The following PARD6G variants were observed in gnomAD, a reference collection of about 807,000 sequenced individuals.
The protein encoded by PARD6G is partitioning defective 6 homolog gamma.
A neutral mutation model predicts 10.7 loss-of-function variants in PARD6G; 7 were observed. The ratio of observed to expected loss-of-function variants is 0.66; its 90% confidence interval spans 0.37 to 1.23. PARD6G has a LOEUF of 1.23. PARD6G is among the 50% of genes most tolerant of loss of function. PARD6G has a pLI of 0.02. For synonymous variants in PARD6G, 287 were observed against 269.4 expected (o/e 1.07, Z -0.64); for missense variants, 548 against 571.8 (o/e 0.96, Z 0.42).
chr18:80,178,777 G>A (rs978790279), intron 2 of PARD6G, among the ~76,000 whole-genome samples: 1 of 152,172 alleles, frequency 6.6e-6, no homozygotes. Flanking sequence ...AATCTGGGCA[G>A]ATGGACACAT....
In PARD6G at chr18:80,247,311, A is replaced by C. The variant is rs752024229; in HGVS notation, c.38T>G (p.Phe13Cys). 6 of 1,585,028 alleles carry C rather than the reference A, an allele frequency of 3.8e-6. No homozygotes were observed. In the South Asian group the frequency reaches 6.8e-5, roughly 18 times the overall value. Residue 13 changes from phenylalanine (F) to cysteine (C), a missense_variant, in exon 1 of 3, where the codon TTC becomes TGC. By Grantham distance (205) the Phe-to-Cys change is radical. Coordinates refer to ENST00000353265, the MANE Select transcript of PARD6G (RefSeq NM_032510.4). This position sits in a 1 kb window ranked among gnomAD's most constrained non-coding sequence, Gnocchi z 4.2. The part of the protein sequence containing the change: ...RSFHKSQTLR[F>C]YDCSAVEVKS... ...GACTTCCACTGCGCTGCAATCGTAGAATCGCAAGGTCTGAGACTTGTGAAA... is the reference window on the plus strand; with the variant it reads ...GACTTCCACTGCGCTGCAATCGTAGCATCGCAAGGTCTGAGACTTGTGAAA...
chr18:80,219,499 T>C (rs370438680), intron 1 of PARD6G, among the ~76,000 whole-genome samples: 1 of 151,960 alleles, frequency 6.6e-6, no homozygotes, highest in Non-Finnish European at 1.5e-5. Flanking sequence ...CGTGAGCCAC[T>C]GCGCCCAGCC....
chr18:80,189,132 G>A lies in PARD6G; in HGVS notation c.295+13578C>T, dbSNP rs2052894607. On this transcript the variant is annotated intron_variant, in intron 2 of 2. Transcript: ENST00000353265. This position sits in a 1 kb window ranked among gnomAD's most constrained non-coding sequence, Gnocchi z 5.5. ...ACAACACTACAGCAGTTACCAGAGA[G>A]CACAACTGTAATTGAAACAACCAGA... 6.6e-6 allele frequency: 1 copy of A among 152,252 alleles called. No homozygotes were observed. Among genetic ancestry groups the A allele is most frequent in the African/African-American group, 2.4e-5 (1 of 41,448 alleles). 9.4% of individuals were successfully genotyped at this position (152,252 alleles called of 1,614,324 possible). A position where few individuals can be genotyped will look rare whatever the true frequency, so the allele number is the denominator to read the frequency against.
rs1165374567 is a variant in PARD6G at position 80,246,678 on chromosome 18, G to A, written c.72+599C>T. On this transcript the variant is annotated intron_variant, in intron 1 of 2. Coordinates refer to ENST00000353265, the MANE Select transcript of PARD6G (RefSeq NM_032510.4). The surrounding 1 kb of genome is among the most constrained non-coding windows in gnomAD (Gnocchi z 6.7). ...CCCGGGGACGCGCCCGGGGAGGCGT[G>A]GTCTGGGTCTGGGCCGGGGGAGAGC... 6.6e-6 allele frequency among the ~76,000 whole-genome samples: 1 copy of A among 151,628 alleles called. No individual in the cohort carries two copies. Among genetic ancestry groups the A allele is most frequent in the African/African-American group, 2.4e-5 (1 of 41,282 alleles).
Position 80,157,299 on chromosome 18 carries a change from A to G in PARD6G, c.*2472T>C, listed in dbSNP as rs1568422654. ...TATAAAACCAAGAAAACTTTAATAC[A>G]TAATATGCATAGTTTTGTTTTTTTA... On this transcript the variant is annotated 3_prime_UTR_variant, in exon 3 of 3. Transcript: ENST00000353265. 6.6e-6 allele frequency: 1 copy of G among 152,270 alleles called. No individual in the cohort carries two copies. Among genetic ancestry groups the G allele is most frequent in the Admixed American group, 6.5e-5 (1 of 15,292 alleles). 9.4% of individuals were successfully genotyped at this position (152,270 alleles called of 1,614,324 possible). A position where few individuals can be genotyped will look rare whatever the true frequency, so the allele number is the denominator to read the frequency against.
intron 1 of PARD6G, among the ~76,000 whole-genome samples, chr18:80,244,758 C>A (rs1967525726): frequency 6.6e-6 from 1 of 152,170 alleles, no homozygotes; most frequent in African/African-American, 2.4e-5. Flanking sequence ...TCCCCACAAA[C>A]CAAACCATGG....
intron 2 of PARD6G, chr18:80,197,548 T>C (rs1385675850): frequency 6.6e-6 from 1 of 152,226 alleles, no homozygotes; most frequent in Admixed American, 6.5e-5. Context: ...CAGAGTGCTC[T>C]GTGCTGAACA....
In PARD6G at chr18:80,200,613, G is replaced by A. The variant is rs1966999124; in HGVS notation, c.295+2097C>T. On this transcript the variant is annotated intron_variant, in intron 2 of 2. Transcript: ENST00000353265. This position sits in a 1 kb window ranked among gnomAD's most constrained non-coding sequence, Gnocchi z 4.4. ...ACAGAGGAAGGCAGGGGCTGCTGGC[G>A]ACACGCTCACGCTATAACCACGAGA... 6.6e-6 allele frequency among the ~76,000 whole-genome samples: 1 copy of A among 152,156 alleles called. No individual in the cohort carries two copies. Among genetic ancestry groups the A allele is most frequent in the Admixed American group, 6.5e-5 (1 of 15,272 alleles).
At chr18:80,204,045 C>T (rs1440207069) in intron 1 of PARD6G, among the ~76,000 whole-genome samples, 2 of 152,128 alleles carry the variant, frequency 1.3e-5, no homozygotes, top group South Asian at 4.2e-4. Flanking sequence ...ATGAGCTGCC[C>T]GCAGAGCTCC....
At chr18:80,166,908 A>G (rs2052739767) in intron 2 of PARD6G, among the ~76,000 whole-genome samples, 1 of 151,938 alleles carries the variant, frequency 6.6e-6, no homozygotes, top group Non-Finnish European at 1.5e-5. Context: ...AACAAACCAG[A>G]GCCCCCTTTG....
At chr18:80,233,695 C>T (rs1460113841) in intron 1 of PARD6G, among the ~76,000 whole-genome samples, 1 of 152,098 alleles carries the variant, frequency 6.6e-6, no homozygotes, top group African/African-American at 2.4e-5. Flanking sequence ...ACAGCCTTAA[C>T]CAGGAACCTC....
At position 80,157,754 on chromosome 18, in the gene PARD6G, T is replaced by A. The variant is rs543922068; in HGVS notation, c.*2017A>T. ...AACAAAGGGCCAGCAATCCATTGCA[T>A]ACAAATAACATCAAACACAGGTGCA... On this transcript the variant is annotated 3_prime_UTR_variant, in exon 3 of 3. Coordinates refer to ENST00000353265, the MANE Select transcript of PARD6G (RefSeq NM_032510.4). The A allele has an allele frequency of 2.0e-5, 3 of 152,322 alleles. No homozygotes were observed. Among genetic ancestry groups the A allele is most frequent in the Non-Finnish European group, 4.4e-5 (3 of 68,028 alleles). The allele number at this position is 152,322 out of a possible 1,614,324, so 9.4% of individuals were successfully genotyped here. A position where few individuals can be genotyped will look rare whatever the true frequency, so the allele number is the denominator to read the frequency against.
intron 2 of PARD6G, among the ~76,000 whole-genome samples, chr18:80,164,591 A>C (rs1383706976): frequency 2.0e-5 from 3 of 152,230 alleles, no homozygotes; most frequent in African/African-American, 7.2e-5. Context: ...AATAATGTAA[A>C]ATATAATCCT....
intron 1 of PARD6G, among the ~76,000 whole-genome samples, chr18:80,208,235 CTATT>C (rs962428786): frequency 6.6e-6 from 1 of 152,102 alleles, no homozygotes; most frequent in African/African-American, 2.4e-5. Context: ...CCTTTGCAAA[CTATT>C]TATATTTACT....
Position 80,160,443 on chromosome 18 carries a change from G to A in PARD6G, c.459C>T (p.Pro153=). ...GCAGCCGCACTCGCCGGTGCGTCTC[G>A]GGGACCAGGTCCACATCGATGATGG... The part of the protein sequence containing the change: ...VSSIIDVDLV[P]ETHRRVRLHR... The change falls in exon 3 of 3, where the codon CCC becomes CCT. Residue 153 remains proline (P), a synonymous_variant. Coordinates refer to ENST00000353265, the MANE Select transcript of PARD6G (RefSeq NM_032510.4). 2 of 1,581,654 alleles carry A rather than the reference G, an allele frequency of 1.3e-6. No individual in the cohort carries two copies. Among genetic ancestry groups the A allele is most frequent in the Admixed American group, 1.8e-5 (1 of 55,550 alleles).
chr18:80,243,531 G>T (rs532542242), intron 1 of PARD6G, among the ~76,000 whole-genome samples: 3 of 152,152 alleles, frequency 2.0e-5, no homozygotes, highest in African/African-American at 7.2e-5. Context: ...CACTGTGTTA[G>T]CTTAGAATCC....
intron 1 of PARD6G, among the ~76,000 whole-genome samples, chr18:80,223,336 A>G (rs1259493928): frequency 1.3e-5 from 2 of 152,242 alleles, no homozygotes; most frequent in African/African-American, 4.8e-5. Flanking sequence ...GGTAATCTAT[A>G]GAATGACAGA....
rs1042841957 is a variant in PARD6G at position 80,201,745 on chromosome 18, G to C, written c.295+965C>G. ...GCATCACCCTCACAGAAACTGGATG[G>C]GGGTTACTATGAGGACCCTCGTTTT... is the stretch of plus-strand genomic sequence containing the variant. On this transcript the variant is annotated intron_variant, in intron 2 of 2. Transcript: ENST00000353265. The surrounding 1 kb of genome is among the most constrained non-coding windows in gnomAD (Gnocchi z 5.9). Among the ~76,000 whole-genome samples the C allele has an allele frequency of 2.0e-5, 3 of 152,244 alleles. No homozygotes were observed. The highest frequency in any genetic ancestry group is 4.8e-5 in the African/African-American group (2 of 41,456).
At chr18:80,211,663 T>C (rs1312882384) in intron 1 of PARD6G, among the ~76,000 whole-genome samples, 1 of 152,172 alleles carries the variant, frequency 6.6e-6, no homozygotes, top group Non-Finnish European at 1.5e-5. Flanking sequence ...AACCTAAGTA[T>C]CCATCAATGG....
Sources: allele counts gnomAD v4.1 joint callset (sites outside exome capture counted in the v4.1 genomes callset), GRCh38; gene constraint gnomAD v4.1.1; non-coding constraint Gnocchi (gnomAD v3.1); transcripts MANE v1.5; gene names NCBI Gene and HGNC (gene_info 2026-07-23, HGNC 2026-07-21).